The following IL3RA variants were observed in gnomAD, a reference collection of about 807,000 sequenced individuals.
The protein encoded by IL3RA is interleukin-3 receptor subunit alpha.
In IL3RA, 73 loss-of-function variants were observed where a neutral mutation model predicts 52.3. The observed-to-expected ratio is 1.40, with a 90% CI of 1.16 to 1.70. The LOEUF is 1.70. Ranked by LOEUF, IL3RA falls within the 40% of genes most tolerant of loss-of-function variation. The probability of loss-of-function intolerance (pLI) is 0.00; values close to 1 mark genes in which losing one functional copy is unlikely to be tolerated. For missense variants in IL3RA, 664 were observed against 504.4 expected (o/e 1.32, Z -3.03); for synonymous variants, 260 against 194.0 (o/e 1.34, Z -2.83).
chrX:1,348,647 TTTCTTTCTTTCTTTC>T (rs2085897475), intron 4 of IL3RA, 102 bp downstream of exon 4: 2 of 308,022 alleles, frequency 6.5e-6, no homozygotes, highest in African/African-American at 7.4e-5. Context: ...TCTTTTTCTC[TTTCTTTCTTTCTTTC>T]TTTCTTTCTT....
At chrX:1,358,818 G>A in intron 7 of IL3RA, 43 bp from the exon 8 acceptor site, 2 of 1,611,576 alleles carry the variant, frequency 1.2e-6, no homozygotes, top group South Asian at 1.1e-5. Flanking sequence ...GGCTTTCAGG[G>A]ACGGTCCAGA....
In IL3RA at chrX:1,352,377, A is replaced by G; in HGVS notation, c.487A>G (p.Ile163Val). ...HYKTDAQGTR[I>V]GCRFDDISRL... ...CAAAACGGATGCTCAGGGAACACGT[A>G]TCGGGTGTCGTTTCGATGACATCTC... Residue 163 changes from isoleucine (I) to valine (V), a missense_variant, in exon 6 of 12, where the codon ATC (isoleucine) becomes GTC (valine). By Grantham distance (29) the Ile-to-Val change is conservative (BLOSUM62 3). Transcript: ENST00000331035. 1 of 1,613,882 alleles carries G rather than the reference A, an allele frequency of 6.2e-7. No homozygotes were observed. The highest frequency in any genetic ancestry group is 1.1e-5 in the South Asian group (1 of 91,082).
At chrX:1,343,962 A>AT (rs1413725629) in intron 2 of IL3RA, among the ~76,000 whole-genome samples, 1 of 151,288 alleles carries the variant, frequency 6.6e-6, no homozygotes, top group Non-Finnish European at 1.5e-5. Flanking sequence ...CGCCCAACTA[A>AT]TTTTTGTATT....
At chrX:1,349,374 G>C (rs1288130050) in intron 4 of IL3RA, among the ~76,000 whole-genome samples, 2 of 151,830 alleles carry the variant, frequency 1.3e-5, no homozygotes, top group Non-Finnish European at 2.9e-5. Context: ...TAGAGATGGG[G>C]TTTCACCATG....
Position 1,356,216 on chromosome X carries a change from G to T in IL3RA, c.617-5G>T, listed in dbSNP as rs774831447. On this transcript the variant is annotated splice_region_variant and splice_polypyrimidine_tract_variant and intron_variant, in intron 6 of 11. Transcript: ENST00000331035. ...AAATCCTAAAAGTGTTTTTCTCGTT[G>T]CTAGAGATATTAACTCCACCCAACA... is the stretch of plus-strand genomic sequence containing the variant. 5.8e-6 allele frequency: 9 copies of T among 1,557,688 alleles called. No homozygotes were observed. The South Asian group carries it at 9.0e-5, about 16-fold the overall frequency.
At chrX:1,340,064 C>G (rs28654545) in intron 1 of IL3RA, among the ~76,000 whole-genome samples, 1 of 151,462 alleles carries the variant, frequency 6.6e-6, no homozygotes, top group Non-Finnish European at 1.5e-5. Flanking sequence ...GGATACAGCT[C>G]GAGCCAAGAA....
intron 6 of IL3RA, among the ~76,000 whole-genome samples, chrX:1,354,412 C>G (rs1206515174): frequency 6.7e-6 from 1 of 149,838 alleles, no homozygotes; most frequent in Non-Finnish European, 1.5e-5. Flanking sequence ...TGCTCGGATG[C>G]TTCAGAAGAG....
rs373756726 is a variant in IL3RA, at chrX:1,348,285, A to G, written c.184-146A>G. The G allele has an allele frequency of 9.5e-5, 64 of 677,024 alleles. 1 individual carries two copies. The highest frequency in any genetic ancestry group is 7.4e-4 in the South Asian group (43 of 58,164). The allele number at this position is 677,024 out of a possible 1,614,324, so 41.9% of individuals were successfully genotyped here. A position where few individuals can be genotyped will look rare whatever the true frequency, so the allele number is the denominator to read the frequency against. On this transcript the variant is annotated intron_variant, in intron 3 of 11. Coordinates refer to ENST00000331035, the MANE Select transcript of IL3RA (RefSeq NM_002183.4). Reference sequence around the variant, plus strand: ...GGAGAATGGCTTGAACCCGGGAGGGAGAGGCTGCAGTGAGCCGAGATCACG... The same window carrying G: ...GGAGAATGGCTTGAACCCGGGAGGGGGAGGCTGCAGTGAGCCGAGATCACG...
Position 1,365,182 on chromosome X carries a change from C to T in IL3RA, c.804C>T (p.Tyr268=). Residue 268 remains tyrosine, a synonymous_variant, in exon 9 of 12, where the codon TAC becomes TAT. Coordinates refer to ENST00000331035, the MANE Select transcript of IL3RA (RefSeq NM_002183.4). ...TSFQLLNPGT[Y]TVQIRARERV... ...TCCAGCTACTCAATCCTGGAACGTA[C>T]ACAGTACAAATAAGAGCCCGGGAAA... 6.2e-7 allele frequency: 1 copy of T among 1,611,388 alleles called. No homozygotes were observed. Among genetic ancestry groups the T allele is most frequent in the Non-Finnish European group, 8.5e-7 (1 of 1,178,984 alleles).
chrX:1,343,310 C>G (rs1336464889), intron 2 of IL3RA, among the ~76,000 whole-genome samples: 4 of 151,794 alleles, frequency 2.6e-5, no homozygotes, highest in African/African-American at 9.7e-5. Flanking sequence ...AGAGATAAAC[C>G]CTAGAGAAAT....
Position 1,365,199 on chromosome X carries a change from C to T in IL3RA, c.821C>T (p.Ala274Val), listed in dbSNP as rs2087828329. The change falls in exon 9 of 12, where the codon GCC becomes GTC. Residue 274 changes from alanine to valine, a missense_variant. By Grantham distance (64) the Ala-to-Val change is moderately conservative. Coordinates refer to ENST00000331035, the MANE Select transcript of IL3RA (RefSeq NM_002183.4). ...NPGTYTVQIR[A>V]RERVYEFLSA... The stretch of plus-strand genomic sequence containing the variant: ...GGAACGTACACAGTACAAATAAGAG[C>T]CCGGGAAAGAGTGTATGAATTCTTG... The T allele has an allele frequency of 9.3e-6, 15 of 1,611,514 alleles. No individual in the cohort carries two copies. Among genetic ancestry groups the T allele is most frequent in the Non-Finnish European group, 1.3e-5 (15 of 1,179,120 alleles).
chrX:1,360,710 G>A, intron 8 of IL3RA, among the ~76,000 whole-genome samples: 1 of 149,188 alleles, frequency 6.7e-6, no homozygotes, highest in East Asian at 2.0e-4. Context: ...TGTATTTTTA[G>A]TAGAGACAGG....
chrX:1,352,933 C>T (rs1173034294), intron 6 of IL3RA, among the ~76,000 whole-genome samples: 1 of 43,200 alleles, frequency 2.3e-5, no homozygotes, highest in Non-Finnish European at 6.7e-5. Context: ...TCATGGATTC[C>T]ATCATGGGTC....
rs1290923117 is a variant in IL3RA, at chrX:1,382,560, AG to A, written c.*97del. ...GCTGCTGGACCTGCGCACGCAGCCCAGGAATGGACATTCCTAACGGGTGGTG... is the reference window on the plus strand; with the variant it reads ...GCTGCTGGACCTGCGCACGCAGCCCAGAATGGACATTCCTAACGGGTGGTG... On this transcript the variant is annotated 3_prime_UTR_variant, in exon 12 of 12. Transcript: ENST00000331035. The A allele has an allele frequency of 3.5e-6, 4 of 1,127,142 alleles. No individual in the cohort carries two copies. The highest frequency in any genetic ancestry group is 5.4e-6 in the Non-Finnish European group (4 of 737,834). The allele number at this position is 1,127,142 out of a possible 1,614,324, so 69.8% of individuals were successfully genotyped here.
chrX:1,381,780 G>T (rs1307731271), intron 11 of IL3RA, among the ~76,000 whole-genome samples: 2 of 151,570 alleles, frequency 1.3e-5, no homozygotes, highest in African/African-American at 4.9e-5. Flanking sequence ...CTGACCTTGT[G>T]ATCCCCCTGC....
chrX:1,378,825 C>A, intron 10 of IL3RA, 61 bp downstream of exon 10: 1 of 1,388,454 alleles, frequency 7.2e-7, no homozygotes, highest in Non-Finnish European at 1.0e-6. Flanking sequence ...GAAAGTTATT[C>A]ACAGAACCAT....
chrX:1,358,401 T>G (rs1340664963), intron 7 of IL3RA, among the ~76,000 whole-genome samples: 2 of 152,092 alleles, frequency 1.3e-5, no homozygotes, highest in Non-Finnish European at 2.9e-5. Context: ...GGGGCATGCC[T>G]GTAATCCCAG....
chrX:1,339,707 G>T (rs144018641), intron 1 of IL3RA, among the ~76,000 whole-genome samples: 2,772 of 152,154 alleles, frequency 0.018, 79 homozygotes, highest in African/African-American at 0.063. Context: ...CAGGAGAATC[G>T]CTTGAACGTG....
intron 6 of IL3RA, among the ~76,000 whole-genome samples, chrX:1,352,837 C>T (rs1481061491): frequency 6.6e-6 from 1 of 151,512 alleles, no homozygotes; most frequent in Non-Finnish European, 1.5e-5. Context: ...GTCATGGGAC[C>T]CCCCATCATG....
Sources: allele counts gnomAD v4.1 joint callset (sites outside exome capture counted in the v4.1 genomes callset), GRCh38; gene constraint gnomAD v4.1.1; transcripts MANE v1.5; gene names NCBI Gene and HGNC (gene_info 2026-07-23, HGNC 2026-07-21).